The following ZNF253 variants were observed in gnomAD, a reference collection of about 807,000 sequenced individuals.
The protein encoded by ZNF253 is zinc finger protein 253.
A neutral mutation model predicts 11.9 loss-of-function variants in ZNF253; 8 were observed. The observed-to-expected ratio is 0.67, with a 90% CI of 0.40 to 1.22. The LOEUF is 1.22. ZNF253 is among the 50% of genes most tolerant of loss of function. The pLI is 0.01. For synonymous variants in ZNF253, 194 were observed against 194.9 expected (o/e 1.00, Z 0.04); for missense variants, 485 against 586.9 (o/e 0.83, Z 1.79).
intron 1 of ZNF253, among the ~76,000 whole-genome samples, chr19:19,867,649 A>C (rs1291825593): frequency 6.6e-6 from 1 of 152,242 alleles, no homozygotes; most frequent in Non-Finnish European, 1.5e-5. Context: ...GATTACAGGC[A>C]TGAGCCACCG....
intron 1 of ZNF253, among the ~76,000 whole-genome samples, chr19:19,871,794 A>G (rs1329721518): frequency 6.6e-6 from 1 of 152,070 alleles, no homozygotes; most frequent in Non-Finnish European, 1.5e-5. Flanking sequence ...GTGTAATAAA[A>G]CCATTTTCTT....
chr19:19,878,195 CA>C (rs1399888543), intron 1 of ZNF253, among the ~76,000 whole-genome samples: 1 of 152,134 alleles, frequency 6.6e-6, no homozygotes, highest in Non-Finnish European at 1.5e-5. Flanking sequence ...CCATATGATG[CA>C]AATATAGCAC....
chr19:19,879,810 T>A (rs188647237), intron 2 of ZNF253, among the ~76,000 whole-genome samples: 77 of 152,342 alleles, frequency 5.1e-4, no homozygotes, highest in African/African-American at 1.4e-3. Context: ...CATAAAATAT[T>A]GTTGCCCCAC....
chr19:19,880,126 A>G lies in ZNF253; in HGVS notation c.206A>G (p.Glu69Gly). 1 of 1,609,188 alleles carries G rather than the reference A, an allele frequency of 6.2e-7. No individual in the cohort carries two copies. Among genetic ancestry groups the G allele is most frequent in the Admixed American group, 1.7e-5 (1 of 59,580 alleles). ...GKKPLTMERHEMIAKPPVMSS... is the reference protein window; with the variant it reads ...GKKPLTMERHGMIAKPPVMSS... The stretch of plus-strand genomic sequence containing the variant: ...AAACCTTTAACTATGGAAAGACATG[A>G]GATGATTGCCAAACCCCCAGGTAGG... The change falls in exon 3 of 4, where the codon GAG (glutamate) becomes GGG (glycine). Residue 69 changes from glutamate (E) to glycine (G), a missense_variant. Physicochemically the swap from Glu to Gly is moderately conservative, Grantham distance 98. Around this residue, in one of 3 missense-constraint regions of ZNF253, gnomAD observed 218 missense variants for 213.1 expected, o/e 1.02. Coordinates refer to ENST00000589717, the MANE Select transcript of ZNF253 (RefSeq NM_021047.3).
intron 1 of ZNF253, among the ~76,000 whole-genome samples, chr19:19,872,884 A>T (rs951416227): frequency 6.6e-6 from 1 of 152,004 alleles, no homozygotes; most frequent in Non-Finnish European, 1.5e-5. Flanking sequence ...CTTTGATTGT[A>T]TTCCACTTGC....
intron 1 of ZNF253, among the ~76,000 whole-genome samples, chr19:19,869,620 C>T (rs2063124437): frequency 6.8e-6 from 1 of 146,946 alleles, no homozygotes; most frequent in South Asian, 2.2e-4. Flanking sequence ...CTCAGCCTCC[C>T]GAAGTGATGG....
chr19:19,888,886 G>T (rs1314300990), intron 3 of ZNF253, among the ~76,000 whole-genome samples: 1 of 152,124 alleles, frequency 6.6e-6, no homozygotes, highest in Non-Finnish European at 1.5e-5. Flanking sequence ...TTGATAGGTA[G>T]GGCATATGCA....
intron 1 of ZNF253, among the ~76,000 whole-genome samples, chr19:19,874,503 G>C (rs542390579): frequency 4.1e-4 from 62 of 152,142 alleles, no homozygotes; most frequent in African/African-American, 1.5e-3. Context: ...CAGCCTGGGC[G>C]ACAGAGCTCC....
chr19:19,875,037 A>T (rs1311829618), intron 1 of ZNF253, among the ~76,000 whole-genome samples: 1 of 152,102 alleles, frequency 6.6e-6, no homozygotes, highest in East Asian at 1.9e-4. Flanking sequence ...TTCTCACCCT[A>T]TCCTAGGTCT....
At chr19:19,871,394 A>G in intron 1 of ZNF253, 1 of 152,106 alleles carries the variant, frequency 6.6e-6, no homozygotes, top group Non-Finnish European at 1.5e-5. Flanking sequence ...TCAAGAGAGG[A>G]AGGACACTAG....
At chr19:19,890,242 A>G (rs1173750860) in intron 3 of ZNF253, among the ~76,000 whole-genome samples, 1 of 152,116 alleles carries the variant, frequency 6.6e-6, no homozygotes, top group Non-Finnish European at 1.5e-5. Flanking sequence ...GCTTATTCAT[A>G]TTTCTTCCTA....
At chr19:19,867,180 A>G (rs1298311712) in intron 1 of ZNF253, among the ~76,000 whole-genome samples, 1 of 152,126 alleles carries the variant, frequency 6.6e-6, no homozygotes, top group Non-Finnish European at 1.5e-5. Flanking sequence ...ATCTCTACTA[A>G]AAGTACAAAA....
chr19:19,877,044 G>A (rs993302511), intron 1 of ZNF253, among the ~76,000 whole-genome samples: 1 of 152,110 alleles, frequency 6.6e-6, no homozygotes, highest in South Asian at 2.1e-4. Context: ...GATTTCTATT[G>A]GGGAAAACTG....
At chr19:19,891,393 A>G (rs2063228857) in intron 3 of ZNF253, 81 bp from the exon 4 acceptor site, 2 of 1,206,954 alleles carry the variant, frequency 1.7e-6, no homozygotes, top group African/African-American at 3.1e-5. Flanking sequence ...TGTAGTTTGT[A>G]TAATTTTATA....
intron 3 of ZNF253, 72 bp downstream of exon 3, chr19:19,880,218 C>A: frequency 1.9e-6 from 2 of 1,077,136 alleles, no homozygotes; most frequent in Non-Finnish European, 2.6e-6. Flanking sequence ...GAAAACCAGT[C>A]TTTAAAATGT....
chr19:19,882,458 A>G (rs2063181844), intron 3 of ZNF253, among the ~76,000 whole-genome samples: 1 of 151,938 alleles, frequency 6.6e-6, no homozygotes. Context: ...GGGTAGTTGT[A>G]ATTCCATTTT....
At chr19:19,871,761 G>A (rs2063134685) in intron 1 of ZNF253, among the ~76,000 whole-genome samples, 1 of 152,152 alleles carries the variant, frequency 6.6e-6, no homozygotes, top group African/African-American at 2.4e-5. Context: ...TGACGATGAT[G>A]CATATCACAT....
rs2063124564 is a variant in ZNF253, at chr19:19,869,637, A to G, written c.3+3638A>G. Among the ~76,000 whole-genome samples, 3 of 140,002 alleles carry G rather than the reference A, an allele frequency of 2.1e-5. No homozygotes were observed. In the South Asian group the frequency reaches 6.9e-4, roughly 32 times the overall value. The allele number at this position is 140,002 out of a possible 152,430, so 91.8% of individuals were successfully genotyped here. On this transcript the variant is annotated intron_variant, in intron 1 of 3. Transcript: ENST00000589717. ...CAGCCTCCCGAAGTGATGGGATTAC[A>G]GGCATGAGCCACCATGCCTGGCCTT...
At position 19,878,540 on chromosome 19, in the gene ZNF253, G is replaced by C; in HGVS notation, c.63G>C (p.Leu21=). 6.2e-7 allele frequency: 1 copy of C among 1,613,942 alleles called. No individual in the cohort carries two copies. The highest frequency in any genetic ancestry group is 1.7e-5 in the Admixed American group (1 of 60,006). ...TCTCTCTGGAGGAGTGGCATTGCCT[G>C]GACACTGCACAGCGGAATTTATATA... ...IEFSLEEWHC[L]DTAQRNLYRD... The change falls in exon 2 of 4, where the codon CTG becomes CTC. Residue 21 remains leucine, a synonymous_variant. Coordinates refer to ENST00000589717, the MANE Select transcript of ZNF253 (RefSeq NM_021047.3).
Sources: allele counts gnomAD v4.1 joint callset (sites outside exome capture counted in the v4.1 genomes callset), GRCh38; gene constraint gnomAD v4.1.1; regional missense constraint gnomAD v4.1.1; transcripts MANE v1.5; gene names NCBI Gene and HGNC (gene_info 2026-07-23, HGNC 2026-07-21).